RBM4B: variants seen among roughly 807,000 people sequenced by gnomAD.
The protein encoded by RBM4B is RNA binding motif protein 4B.
In RBM4B, 13 loss-of-function variants were observed where a neutral mutation model predicts 28.5. The observed-to-expected ratio is 0.46, with a 90% CI of 0.30 to 0.72. RBM4B has a LOEUF of 0.72. Among genes scored for constraint, RBM4B ranks in the 30% least tolerant of loss-of-function variants. The pLI, the probability that RBM4B is intolerant of heterozygous loss-of-function variation, is 0.09. For missense variants in RBM4B, 387 were observed against 477.6 expected (o/e 0.81, Z 1.77); for synonymous variants, 167 against 179.1 (o/e 0.93, Z 0.54).
rs1441269638 is a variant in RBM4B at position 66,665,262 on chromosome 11, G to A, written c.*326C>T. On this transcript the variant is annotated 3_prime_UTR_variant, in exon 4 of 4. Coordinates refer to ENST00000310046, the MANE Select transcript of RBM4B (RefSeq NM_031492.4). ...GAAAGGAGATGCTGCAGGTAGGCAGGGAGAAGGATTCAACTCCTAGGGAAA... is the reference window on the plus strand; with the variant it reads ...GAAAGGAGATGCTGCAGGTAGGCAGAGAGAAGGATTCAACTCCTAGGGAAA... 2 of 366,352 alleles carry A rather than the reference G, an allele frequency of 5.5e-6. No homozygotes were observed. The highest frequency in any genetic ancestry group is 1.1e-4 in the East Asian group (2 of 18,048). 22.7% of individuals were successfully genotyped at this position (366,352 alleles called of 1,614,324 possible).
chr11:66,670,108 T>G (rs1317660365), intron 2 of RBM4B, among the ~76,000 whole-genome samples: 11 of 152,186 alleles, frequency 7.2e-5, no homozygotes, highest in Non-Finnish European at 1.3e-4. Context: ...TAGCTATTTT[T>G]GCAGATGTCA....
rs1208810096 is a variant in RBM4B, at chr11:66,676,966, G to T, written c.114C>A (p.Gly38=). 1.9e-5 allele frequency: 30 copies of T among 1,614,150 alleles called. No individual in the cohort carries two copies. Among genetic ancestry groups the T allele is most frequent in the Non-Finnish European group, 2.5e-5 (30 of 1,180,036 alleles). ...CCGTCTTGTCTTCTATGTGCACAAAGCCGTAATTCTTAATGATGTCACATT... is the reference window on the plus strand; with the variant it reads ...CCGTCTTGTCTTCTATGTGCACAAATCCGTAATTCTTAATGATGTCACATT... ...VLECDIIKNY[G]FVHIEDKTAA... is the part of the protein sequence containing the mutation. Residue 38 remains glycine, a synonymous_variant, in exon 2 of 4, where the codon GGC becomes GGA. Coordinates refer to ENST00000310046, the MANE Select transcript of RBM4B (RefSeq NM_031492.4).
chr11:66,669,162 C>T lies in RBM4B; in HGVS notation c.542G>A (p.Gly181Asp). ...CTGCTCAGTAAAGTCTGCCACACGA[C>T]CCGTACGATCTACTGGGCACTCTTT... ...WSKECPVDRT[G>D]RVADFTEQYN... Residue 181 changes from glycine to aspartate, a missense_variant, in exon 3 of 4, where the codon GGT becomes GAT. Transcript: ENST00000310046. 1 of 1,614,196 alleles carries T rather than the reference C, an allele frequency of 6.2e-7. No individual in the cohort carries two copies. Among genetic ancestry groups the T allele is most frequent in the Non-Finnish European group, 8.5e-7 (1 of 1,180,036 alleles).
rs1342201507 is a variant in RBM4B at position 66,670,133 on chromosome 11, T to C, written c.413-842A>G. Among the ~76,000 whole-genome samples, 9 of 152,144 alleles carry C rather than the reference T, an allele frequency of 5.9e-5. No individual in the cohort carries two copies. The East Asian group carries it at 1.3e-3, about 23-fold the overall frequency. On this transcript the variant is annotated intron_variant, in intron 2 of 3. Transcript: ENST00000310046. ...TGCAGATGTCACCAGAAGGCTCCAATGATGGGTACACAAACCATACCTGGC... is the reference window on the plus strand; with the variant it reads ...TGCAGATGTCACCAGAAGGCTCCAACGATGGGTACACAAACCATACCTGGC...
intron 2 of RBM4B, chr11:66,675,585 A>T (rs1431212684): frequency 6.6e-6 from 1 of 152,168 alleles, no homozygotes; most frequent in Non-Finnish European, 1.5e-5. Context: ...TTAATAGAAG[A>T]CCCAAAAGTA....
intron 3 of RBM4B, chr11:66,667,533 T>C (rs1409497996): frequency 6.6e-6 from 1 of 152,174 alleles, no homozygotes; most frequent in Non-Finnish European, 1.5e-5. Flanking sequence ...TAGAACAAGA[T>C]GGTCTAGATT....
chr11:66,665,730 T>G (rs1939204406), intron 3 of RBM4B, 152 bp from the exon 4 acceptor site: 1 of 1,372,262 alleles, frequency 7.3e-7, no homozygotes, highest in African/African-American at 1.5e-5. Flanking sequence ...ATATCCCATG[T>G]AATTACCTAG....
chr11:66,672,950 A>AT (rs1939518022), intron 2 of RBM4B, among the ~76,000 whole-genome samples: 1 of 152,214 alleles, frequency 6.6e-6, no homozygotes, highest in Non-Finnish European at 1.5e-5. Flanking sequence ...AAAGCTTAAA[A>AT]TTTCCTGGGA....
chr11:66,674,319 G>A (rs1815468179), intron 2 of RBM4B, among the ~76,000 whole-genome samples: 1 of 151,198 alleles, frequency 6.6e-6, no homozygotes, highest in South Asian at 2.1e-4. Context: ...TGCCTCCTGG[G>A]TTCACGCTAT....
intron 2 of RBM4B, 112 bp downstream of exon 2, chr11:66,676,556 C>A (rs1297927959): frequency 3.2e-6 from 4 of 1,241,912 alleles, no homozygotes; most frequent in Non-Finnish European, 4.5e-6. Flanking sequence ...TCTATTATTT[C>A]CAGCTAAAAC....
At chr11:66,665,773 T>C (rs1465994416) in intron 3 of RBM4B, 195 bp from the exon 4 acceptor site, 3 of 1,331,090 alleles carry the variant, frequency 2.3e-6, no homozygotes, top group Non-Finnish European at 2.0e-6. Flanking sequence ...AGGAATCCAC[T>C]TATGGCTATA....
chr11:66,666,471 T>C (rs1939233697), intron 3 of RBM4B: 1 of 986,400 alleles, frequency 1.0e-6, no homozygotes, highest in East Asian at 1.1e-4. Flanking sequence ...CTCAGGGTTA[T>C]TCAGTCCATT....
At chr11:66,669,421 A>T in intron 2 of RBM4B, 130 bp from the exon 3 acceptor site, 4 of 829,846 alleles carry the variant, frequency 4.8e-6, no homozygotes, top group South Asian at 3.8e-5. Flanking sequence ...TATTTCAGCA[A>T]CCTCCTTTAA....
rs571011020 is a variant in RBM4B at position 66,665,800 on chromosome 11, C to G, written c.*10-222G>C. ...ATGGCTATATATATAGGACAAGATG[C>G]AATCTAGCTGAAGAATGTGTTGGTG... is the stretch of plus-strand genomic sequence containing the variant. On this transcript the variant is annotated intron_variant, in intron 3 of 3. Coordinates refer to ENST00000310046, the MANE Select transcript of RBM4B (RefSeq NM_031492.4). The G allele has an allele frequency of 5.2e-5, 74 of 1,433,990 alleles. No individual in the cohort carries two copies. The African/African-American group carries it at 9.8e-4, about 19-fold the overall frequency. 88.8% of individuals were successfully genotyped at this position (1,433,990 alleles called of 1,614,324 possible).
In RBM4B at chr11:66,665,558, T is replaced by C; in HGVS notation, c.*30A>G. ...CTCATATATGACCGCAGCCCGAGGGTTCAGTCCGCAATTATCCTACCTGAA... is the reference window on the plus strand; with the variant it reads ...CTCATATATGACCGCAGCCCGAGGGCTCAGTCCGCAATTATCCTACCTGAA... On this transcript the variant is annotated 3_prime_UTR_variant, in exon 4 of 4. Transcript: ENST00000310046. 6.5e-7 allele frequency: 1 copy of C among 1,531,254 alleles called. No homozygotes were observed. Among genetic ancestry groups the C allele is most frequent in the Non-Finnish European group, 8.8e-7 (1 of 1,142,716 alleles). 94.9% of individuals were successfully genotyped at this position (1,531,254 alleles called of 1,614,324 possible).
In RBM4B at chr11:66,677,056, G is replaced by C; in HGVS notation, c.24C>G (p.Asn8Lys). The change falls in exon 2 of 4, where the codon AAC becomes AAG. Residue 8 changes from asparagine to lysine, a missense_variant. Physicochemically the swap from Asn to Lys is moderately conservative, Grantham distance 94 (BLOSUM62 0). Around this residue, in one of 2 missense-constraint regions of RBM4B, gnomAD observed 161 missense variants for 256.9 expected, o/e 0.63. Transcript: ENST00000310046. The part of the protein sequence containing the change: MVKLFIG[N>K]LPREATEQEI... The stretch of plus-strand genomic sequence containing the variant: ...CCTGCTCTGTAGCCTCCCGGGGAAG[G>C]TTTCCGATGAACAGCTTCACCATCC... 6.2e-7 allele frequency: 1 copy of C among 1,614,056 alleles called. No individual in the cohort carries two copies. The highest frequency in any genetic ancestry group is 8.5e-7 in the Non-Finnish European group (1 of 1,179,948).
intron 3 of RBM4B, chr11:66,666,062 A>G (rs1939220788): frequency 2.7e-6 from 3 of 1,100,400 alleles, no homozygotes; most frequent in South Asian, 3.2e-5. Flanking sequence ...AAGGGGTAGG[A>G]TATCAAGGAG....
rs1939367557 is a variant in RBM4B, at chr11:66,669,041, ATAG to A, written c.660_662del (p.Tyr221del). ...CATAAGAGCGGACCCGGTATCGCTT[ATAG>A]TAGTCGAGTGCTCCATATGCATCGT... On this transcript the variant is annotated inframe_deletion, in exon 3 of 4. Transcript: ENST00000310046. The A allele has an allele frequency of 2.5e-6, 4 of 1,614,068 alleles. No individual in the cohort carries two copies. Among genetic ancestry groups the A allele is most frequent in the Non-Finnish European group, 3.4e-6 (4 of 1,180,038 alleles).
At chr11:66,677,311 G>T in intron 1 of RBM4B, 1 of 586,802 alleles carries the variant, frequency 1.7e-6, no homozygotes, top group Non-Finnish European at 3.0e-6. Flanking sequence ...GCATAGCCCA[G>T]TCTATCATCT....
Sources: gnomAD v4.1 joint callset for allele counts (sites outside exome capture counted in the v4.1 genomes callset) on GRCh38, gnomAD v4.1.1 for gene constraint, gnomAD v4.1.1 regional missense constraint, MANE v1.5 for transcripts, NCBI Gene and HGNC (gene_info 2026-07-23, HGNC 2026-07-21) for gene names.